Variants in EDIL3 observed in about 807,000 individuals in gnomAD.
EDIL3 encodes the protein EGF like and discoidin domains 3.
Under a neutral mutation model 67.4 loss-of-function variants are expected in EDIL3, and 37 were observed. The observed-to-expected ratio is 0.55, with a 90% CI of 0.42 to 0.72. The LOEUF (loss-of-function observed/expected upper bound fraction) is 0.72, where lower values mean the gene tolerates loss of function less well. Ranked by LOEUF, EDIL3 falls within the 30% of genes least tolerant of loss-of-function variation. EDIL3 has a pLI of 0.00. For missense variants in EDIL3, 527 were observed against 586.3 expected (o/e 0.90, Z 1.04); for synonymous variants, 195 against 196.3 (o/e 0.99, Z 0.05).
At chr5:84,111,161 A>G (rs1371932509) in intron 5 of EDIL3, among the ~76,000 whole-genome samples, 1 of 152,134 alleles carries the variant, frequency 6.6e-6, no homozygotes, top group East Asian at 1.9e-4. Context: ...CCATGATTGT[A>G]AGTTTCCTGA....
chr5:84,245,159 T>C (rs1744884261), intron 2 of EDIL3, among the ~76,000 whole-genome samples: 9 of 152,226 alleles, frequency 5.9e-5, no homozygotes, highest in Admixed American at 5.9e-4. Context: ...CACTCTTCTT[T>C]ATATACGCCT....
At chr5:84,383,825 C>T (rs1398996854) in intron 1 of EDIL3, among the ~76,000 whole-genome samples, 1 of 152,168 alleles carries the variant, frequency 6.6e-6, no homozygotes. Context: ...CCAGGCCCTG[C>T]GCCAGAGCAC....
intron 1 of EDIL3, among the ~76,000 whole-genome samples, chr5:84,376,547 G>A (rs1747973061): frequency 6.6e-6 from 1 of 152,120 alleles, no homozygotes; most frequent in African/African-American, 2.4e-5. Context: ...CAGTGCTCTT[G>A]CAGGAGTGTT....
chr5:84,104,633 A>C (rs906021544), intron 6 of EDIL3, among the ~76,000 whole-genome samples: 79 of 152,060 alleles, frequency 5.2e-4, no homozygotes, highest in African/African-American at 1.9e-3. Flanking sequence ...GCAAATTATC[A>C]TCATCCCACT....
intron 1 of EDIL3, among the ~76,000 whole-genome samples, chr5:84,291,731 G>T (rs1393256049): frequency 6.5e-5 from 9 of 138,092 alleles, no homozygotes; most frequent in Admixed American, 2.2e-4. Flanking sequence ...TATCTATATA[G>T]ATCTATCTAT....
intron 3 of EDIL3, among the ~76,000 whole-genome samples, chr5:84,189,785 T>C (rs111989660): frequency 1.2e-3 from 188 of 152,176 alleles, no homozygotes; most frequent in African/African-American, 4.5e-3. Context: ...TGCTGTCTAA[T>C]TTTGGGCATC....
chr5:84,212,733 CACA>C (rs1744150094), intron 3 of EDIL3, among the ~76,000 whole-genome samples: 1 of 152,082 alleles, frequency 6.6e-6, no homozygotes, highest in Admixed American at 6.6e-5. Flanking sequence ...TGAGAATAAG[CACA>C]ACATGTGTGA....
intron 1 of EDIL3, among the ~76,000 whole-genome samples, chr5:84,292,666 C>T (rs372518007): frequency 1.4e-4 from 21 of 152,136 alleles, no homozygotes; most frequent in African/African-American, 5.1e-4. Context: ...ATTTGGTTCT[C>T]ATGCTATATA....
chr5:84,080,746 C>T (rs1746951698), intron 6 of EDIL3, among the ~76,000 whole-genome samples: 1 of 151,948 alleles, frequency 6.6e-6, no homozygotes, highest in Admixed American at 6.6e-5. Context: ...AATAACTTCA[C>T]CAATATGTTT....
At chr5:84,011,948 T>C (rs1745524175) in intron 9 of EDIL3, among the ~76,000 whole-genome samples, 2 of 152,174 alleles carry the variant, frequency 1.3e-5, no homozygotes, top group East Asian at 3.8e-4. Flanking sequence ...TTAATTTCAC[T>C]GGTTTGTTGA....
At chr5:84,255,772 A>T (rs529532825) in intron 1 of EDIL3, among the ~76,000 whole-genome samples, 1 of 152,316 alleles carries the variant, frequency 6.6e-6, no homozygotes, top group Non-Finnish European at 1.5e-5. Context: ...AGATTAAAAC[A>T]GTACCTAAGT....
At chr5:84,254,275 A>G in intron 1 of EDIL3, 63 bp from the exon 2 acceptor site, 1 of 1,530,572 alleles carries the variant, frequency 6.5e-7, no homozygotes, top group Non-Finnish European at 8.8e-7. Context: ...GAAACATACT[A>G]GTTTACTTTG....
At chr5:84,226,014 C>T (rs1224834425) in intron 3 of EDIL3, among the ~76,000 whole-genome samples, 2 of 151,490 alleles carry the variant, frequency 1.3e-5, no homozygotes, top group Admixed American at 6.6e-5. Flanking sequence ...AGTGGCTTAT[C>T]TCCAATTAGA....
At position 84,104,010 on chromosome 5, in the gene EDIL3, A is replaced by G. The variant is rs183496304; in HGVS notation, c.651+2639T>C. On this transcript the variant is annotated intron_variant, in intron 6 of 10. Coordinates refer to ENST00000296591, the MANE Select transcript of EDIL3 (RefSeq NM_005711.5). ...AGACTGGGTAAAGAAAATCTGATAC[A>G]TAGACACCATGGAATACTATGCAGC... Among the ~76,000 whole-genome samples, 3 of 152,268 alleles carry G rather than the reference A, an allele frequency of 2.0e-5. No homozygotes were observed. In the East Asian group the frequency reaches 5.8e-4, roughly 29 times the overall value.
chr5:84,081,133 T>C (rs1746960426), intron 6 of EDIL3, among the ~76,000 whole-genome samples: 1 of 152,236 alleles, frequency 6.6e-6, no homozygotes, highest in South Asian at 2.1e-4. Flanking sequence ...GTGAAAGCTG[T>C]TGGCATTTCC....
chr5:83,995,142 A>ACACG (rs1455289736), intron 9 of EDIL3, among the ~76,000 whole-genome samples: 147 of 104,108 alleles, frequency 1.4e-3, no homozygotes, highest in African/African-American at 6.2e-3. Context: ...AGCAGTATAC[A>ACACG]CACGCACACA....
At chr5:84,001,797 A>C (rs1745335862) in intron 9 of EDIL3, among the ~76,000 whole-genome samples, 2 of 152,170 alleles carry the variant, frequency 1.3e-5, no homozygotes, top group South Asian at 4.1e-4. Flanking sequence ...AAGGGGACTT[A>C]ATGGCTTCAC....
rs115443947 is a variant in EDIL3, at chr5:83,957,117, G to A, written c.1293+6088C>T. The stretch of plus-strand genomic sequence containing the variant: ...AATTGCTTTTTGGAAAGCAGCCTCC[G>A]TTCCTTCCTTCTCTGCCTTATTTGA... On this transcript the variant is annotated intron_variant, in intron 10 of 10. Coordinates refer to ENST00000296591, the MANE Select transcript of EDIL3 (RefSeq NM_005711.5). 2.1e-3 allele frequency among the ~76,000 whole-genome samples: 326 copies of A among 151,696 alleles called. 2 individuals are homozygous for A. Among genetic ancestry groups the A allele is most frequent in the African/African-American group, 7.1e-3 (295 of 41,440 alleles).
chr5:84,311,320 T>C (rs1008584161), intron 1 of EDIL3, among the ~76,000 whole-genome samples: 10 of 147,180 alleles, frequency 6.8e-5, no homozygotes, highest in Admixed American at 2.0e-4. Context: ...TTCTTTTTTT[T>C]TTTCTTTTTT....
Sources: gnomAD v4.1 joint callset for allele counts (sites outside exome capture counted in the v4.1 genomes callset) on GRCh38, gnomAD v4.1.1 for gene constraint, MANE v1.5 for transcripts, NCBI Gene and HGNC (gene_info 2026-07-23, HGNC 2026-07-21) for gene names.